The following GALNT13 variants were observed in gnomAD, a reference collection of about 807,000 sequenced individuals.
The protein encoded by GALNT13 is polypeptide N-acetylgalactosaminyltransferase 13, also known as UDP-GalNAc:polypeptide N-acetylgalactosaminyltransferase 13.
In GALNT13, 28 loss-of-function variants were observed where a neutral mutation model predicts 64.2. The ratio of observed to expected loss-of-function variants is 0.44; its 90% CI spans 0.32 to 0.60. The LOEUF (loss-of-function observed/expected upper bound fraction) is 0.60. GALNT13 is among the 20% of genes least tolerant of loss of function. The probability of loss-of-function intolerance (pLI) is 0.05; values close to 1 mark genes in which losing one functional copy is unlikely to be tolerated. For missense variants in GALNT13, 577 were observed against 669.8 expected (o/e 0.86, Z 1.53); for synonymous variants, 214 against 224.6 (o/e 0.95, Z 0.42).
At chr2:153,168,402 C>G in the GALNT13 span, among the ~76,000 whole-genome samples, 1 of 152,244 alleles carries the variant, frequency 6.6e-6, no homozygotes, top group African/African-American at 2.4e-5. Context: ...TCTTTTCCCT[C>G]TAGATTTATT....
chr2:154,276,699 A>G (rs745829887), intron 8 of GALNT13, among the ~76,000 whole-genome samples: 8 of 152,180 alleles, frequency 5.3e-5, no homozygotes, highest in Non-Finnish European at 1.0e-4. Context: ...TCCTCACCCA[A>G]ATCTCATCTT....
At chr2:153,234,921 A>G in the GALNT13 span, among the ~76,000 whole-genome samples, 1 of 152,182 alleles carries the variant, frequency 6.6e-6, no homozygotes, top group South Asian at 2.1e-4. Context: ...CATTTGTTCA[A>G]CAGCATGTGC....
the GALNT13 span, among the ~76,000 whole-genome samples, chr2:153,293,872 G>T: frequency 6.6e-6 from 1 of 151,852 alleles, no homozygotes; most frequent in Admixed American, 6.6e-5. Flanking sequence ...GCTCACTGCA[G>T]TCTTGACTTC....
the GALNT13 span, among the ~76,000 whole-genome samples, chr2:153,726,961 A>C: frequency 6.6e-6 from 1 of 151,794 alleles, no homozygotes. Flanking sequence ...AAAAAACAAA[A>C]AAAAAACCAC....
chr2:153,580,253 T>G, the GALNT13 span, among the ~76,000 whole-genome samples: 1 of 152,124 alleles, frequency 6.6e-6, no homozygotes, highest in African/African-American at 2.4e-5. Context: ...CCTCTGCAGG[T>G]TACTTTATTC....
chr2:153,194,777 G>A, the GALNT13 span, among the ~76,000 whole-genome samples: 2 of 152,154 alleles, frequency 1.3e-5, no homozygotes, highest in African/African-American at 2.4e-5. Flanking sequence ...TGGTCGTGTA[G>A]GGGAGCTTTG....
At chr2:153,248,300 G>C in the GALNT13 span, among the ~76,000 whole-genome samples, 1 of 152,144 alleles carries the variant, frequency 6.6e-6, no homozygotes, top group Non-Finnish European at 1.5e-5. Flanking sequence ...GAAAATCGAT[G>C]TGAAAATCCT....
the GALNT13 span, among the ~76,000 whole-genome samples, chr2:153,806,373 A>G: frequency 6.6e-6 from 1 of 152,120 alleles, no homozygotes; most frequent in Non-Finnish European, 1.5e-5. Context: ...ACAGATCAAT[A>G]AGGGGAAATA....
chr2:153,797,466 C>T, the GALNT13 span, among the ~76,000 whole-genome samples: 47 of 152,238 alleles, frequency 3.1e-4, no homozygotes, highest in Middle Eastern at 3.4e-3. Flanking sequence ...AGAAGCTCAA[C>T]CATCCTAAAA....
At chr2:153,853,752 T>C in the GALNT13 span, among the ~76,000 whole-genome samples, 1 of 149,906 alleles carries the variant, frequency 6.7e-6, no homozygotes, top group Non-Finnish European at 1.5e-5. Context: ...TATAATATAA[T>C]TATACAATTA....
At chr2:153,226,676 C>A in the GALNT13 span, among the ~76,000 whole-genome samples, 1 of 152,088 alleles carries the variant, frequency 6.6e-6, no homozygotes, top group Non-Finnish European at 1.5e-5. Context: ...CAAGAAAAAT[C>A]TGAGAAACTG....
chr2:153,312,931 G>A, the GALNT13 span, among the ~76,000 whole-genome samples: 1 of 152,042 alleles, frequency 6.6e-6, no homozygotes, highest in Non-Finnish European at 1.5e-5. Context: ...TATTACCAGC[G>A]AATATGAGAA....
chr2:154,130,049 G>A (rs1030708291), intron 3 of GALNT13, among the ~76,000 whole-genome samples: 2 of 152,068 alleles, frequency 1.3e-5, no homozygotes, highest in African/African-American at 4.8e-5. Context: ...TGCATCAGTA[G>A]GGTTATAAAG....
chr2:154,048,860 C>CAT (rs973354891), intron 3 of GALNT13, among the ~76,000 whole-genome samples: 8 of 151,784 alleles, frequency 5.3e-5, no homozygotes, highest in East Asian at 3.9e-4. Context: ...AGTGTGATGT[C>CAT]ATATTTCATG....
At chr2:153,529,138 T>C in the GALNT13 span, among the ~76,000 whole-genome samples, 1 of 151,908 alleles carries the variant, frequency 6.6e-6, no homozygotes, top group African/African-American at 2.4e-5. Context: ...CAAAAAGTTG[T>C]TATTTTAAAG....
intron 3 of GALNT13, among the ~76,000 whole-genome samples, chr2:154,048,159 T>C (rs538414645): frequency 6.6e-6 from 1 of 151,434 alleles, no homozygotes; most frequent in South Asian, 2.1e-4. Flanking sequence ...GATTGGAGAG[T>C]TGCTACACAA....
chr2:153,829,889 A>G, the GALNT13 span, among the ~76,000 whole-genome samples: 138 of 152,320 alleles, frequency 9.1e-4, no homozygotes, highest in African/African-American at 3.0e-3. Context: ...ATTGCAAAGG[A>G]AGTCTCAGTC....
chr2:154,447,600 C>T (rs532978068), intron 12 of GALNT13, among the ~76,000 whole-genome samples: 1 of 151,998 alleles, frequency 6.6e-6, no homozygotes, highest in East Asian at 1.9e-4. Context: ...AAGATTGGGG[C>T]ATTTTTCTGG....
the GALNT13 span, among the ~76,000 whole-genome samples, chr2:153,451,204 C>T: frequency 6.6e-6 from 1 of 152,096 alleles, no homozygotes; most frequent in Non-Finnish European, 1.5e-5. Context: ...AAATCATCAG[C>T]ATTCATTAGT....
Sources: allele counts gnomAD v4.1 joint callset (sites outside exome capture counted in the v4.1 genomes callset), GRCh38; gene constraint gnomAD v4.1.1; transcripts MANE v1.5; gene names NCBI Gene and HGNC (gene_info 2026-07-23, HGNC 2026-07-21).